The following CTNNA3 variants were observed in gnomAD, a reference collection of about 807,000 sequenced individuals.
The protein encoded by CTNNA3 is catenin alpha 3, also known as catenin alpha-3.
A neutral mutation model predicts 95.7 loss-of-function variants in CTNNA3; 76 were observed. The ratio of observed to expected loss-of-function variants is 0.79; its 90% confidence interval spans 0.66 to 0.96. The LOEUF is 0.96. Ranked by LOEUF, CTNNA3 falls within the 40% of genes least tolerant of loss-of-function variation. The pLI, the probability that CTNNA3 is intolerant of heterozygous loss-of-function variation, is 0.00. For missense variants in CTNNA3, 1,191 were observed against 1,089.8 expected (o/e 1.09, Z -1.31); for synonymous variants, 431 against 374.4 (o/e 1.15, Z -1.74).
In CTNNA3 at chr10:66,773,384, C is replaced by T. The variant is rs116545138; in HGVS notation, c.1128+2060G>A. 5.3e-5 allele frequency among the ~76,000 whole-genome samples: 8 copies of T among 152,242 alleles called. No individual in the cohort carries two copies. In the South Asian group the frequency reaches 8.3e-4, roughly 16 times the overall value. Reference sequence around the variant, plus strand: ...GGCACTAAGAATGCTTGTCAGCTTCCGTCTCCCTTTTCTTGGCAACTTGAA... The same window carrying T: ...GGCACTAAGAATGCTTGTCAGCTTCTGTCTCCCTTTTCTTGGCAACTTGAA... On this transcript the variant is annotated intron_variant, in intron 8 of 17. Coordinates refer to ENST00000433211, the MANE Select transcript of CTNNA3 (RefSeq NM_013266.4).
intron 12 of CTNNA3, among the ~76,000 whole-genome samples, chr10:66,370,020 C>T (rs1564904932): frequency 6.6e-6 from 1 of 152,064 alleles, no homozygotes; most frequent in Non-Finnish European, 1.5e-5. Context: ...TTAAGTTCTG[C>T]TGCCTGCACC....
intron 5 of CTNNA3, among the ~76,000 whole-genome samples, chr10:67,298,983 C>T (rs901069102): frequency 6.6e-5 from 10 of 151,650 alleles, no homozygotes; most frequent in African/African-American, 1.2e-4. Flanking sequence ...TGCAGTAGTG[C>T]GATCTCCTGG....
intron 9 of CTNNA3, among the ~76,000 whole-genome samples, chr10:66,641,381 TA>T (rs1845511908): frequency 6.6e-6 from 1 of 151,796 alleles, no homozygotes; most frequent in African/African-American, 2.4e-5. Flanking sequence ...TCAACCCACA[TA>T]ATCTCCCTAA....
intron 3 of CTNNA3, among the ~76,000 whole-genome samples, chr10:67,600,080 A>G (rs1843038161): frequency 6.6e-6 from 1 of 152,122 alleles, no homozygotes; most frequent in Non-Finnish European, 1.5e-5. Flanking sequence ...CAAAGGTGAA[A>G]GAGTAATTCA....
chr10:66,233,444 C>T (rs2089691520), intron 13 of CTNNA3, among the ~76,000 whole-genome samples: 1 of 152,022 alleles, frequency 6.6e-6, no homozygotes, highest in Admixed American at 6.6e-5. Flanking sequence ...CAATGAATAA[C>T]ATTTAGAATA....
intron 10 of CTNNA3, among the ~76,000 whole-genome samples, chr10:66,595,159 C>A (rs945811697): frequency 6.6e-6 from 1 of 151,790 alleles, no homozygotes; most frequent in Admixed American, 6.6e-5. Flanking sequence ...CACAGTGGAA[C>A]GACAACAACA....
chr10:66,921,306 T>C (rs575349349), intron 7 of CTNNA3, among the ~76,000 whole-genome samples: 1 of 152,256 alleles, frequency 6.6e-6, no homozygotes, highest in South Asian at 2.1e-4. Flanking sequence ...TACCATCACA[T>C]TGGGAATTGG....
intron 5 of CTNNA3, among the ~76,000 whole-genome samples, chr10:67,513,992 C>A (rs182616539): frequency 1.3e-5 from 2 of 152,250 alleles, no homozygotes; most frequent in East Asian, 1.9e-4. Context: ...AATCTCCTTG[C>A]AACTCATTTT....
intron 15 of CTNNA3, among the ~76,000 whole-genome samples, chr10:65,997,275 A>G (rs1001438883): frequency 6.6e-6 from 1 of 151,676 alleles, no homozygotes; most frequent in Non-Finnish European, 1.5e-5. Flanking sequence ...AAAGAAATCC[A>G]GAAAAAAATG....
chr10:66,856,062 T>C (rs1243037346), intron 7 of CTNNA3, among the ~76,000 whole-genome samples: 1 of 151,804 alleles, frequency 6.6e-6, no homozygotes, highest in East Asian at 1.9e-4. Flanking sequence ...GATAGGTAGG[T>C]TCTAAATCCT....
intron 7 of CTNNA3, among the ~76,000 whole-genome samples, chr10:67,077,187 C>A (rs1856788227): frequency 6.6e-6 from 1 of 152,184 alleles, no homozygotes; most frequent in Non-Finnish European, 1.5e-5. Flanking sequence ...TCTCATGGAT[C>A]TTCCAGTAGC....
chr10:67,176,973 T>G (rs1283724317), intron 7 of CTNNA3: 2 of 503,418 alleles, frequency 4.0e-6, no homozygotes, highest in South Asian at 2.9e-5. Flanking sequence ...GGTCAGACTT[T>G]TGATTACAGA....
At chr10:67,079,674 C>A (rs1053380498) in intron 7 of CTNNA3, among the ~76,000 whole-genome samples, 1 of 151,832 alleles carries the variant, frequency 6.6e-6, no homozygotes, top group Non-Finnish European at 1.5e-5. Context: ...ATAGTGAAAC[C>A]CCATCTCTAC....
chr10:66,597,314 G>T (rs1249451289), intron 10 of CTNNA3, among the ~76,000 whole-genome samples: 1 of 151,220 alleles, frequency 6.6e-6, no homozygotes, highest in Non-Finnish European at 1.5e-5. Flanking sequence ...GATCTATGAA[G>T]CCCAAAGGAT....
At chr10:66,381,991 G>A (rs951047378) in intron 11 of CTNNA3, among the ~76,000 whole-genome samples, 4 of 152,078 alleles carry the variant, frequency 2.6e-5, no homozygotes, top group Non-Finnish European at 4.4e-5. Flanking sequence ...GAGCAGCTCC[G>A]GTCTGCAGCT....
intron 11 of CTNNA3, among the ~76,000 whole-genome samples, chr10:66,385,834 C>T (rs573734085): frequency 2.0e-5 from 3 of 152,084 alleles, no homozygotes; most frequent in African/African-American, 7.2e-5. Context: ...AAATCAACAA[C>T]AAAAAACACA....
chr10:66,462,631 G>A (rs1039241326), intron 11 of CTNNA3, among the ~76,000 whole-genome samples: 5 of 151,986 alleles, frequency 3.3e-5, no homozygotes, highest in Non-Finnish European at 5.9e-5. Context: ...AACATTTCTT[G>A]AGGACTTATT....
At chr10:66,897,967 A>G (rs928301762) in intron 7 of CTNNA3, among the ~76,000 whole-genome samples, 2 of 152,292 alleles carry the variant, frequency 1.3e-5, no homozygotes, top group Non-Finnish European at 1.5e-5. Flanking sequence ...GTCAGAAAAT[A>G]TAAGAGAAGA....
chr10:66,001,595 A>T, intron 15 of CTNNA3, among the ~76,000 whole-genome samples: 1 of 152,196 alleles, frequency 6.6e-6, no homozygotes, highest in Non-Finnish European at 1.5e-5. Flanking sequence ...AAACTGTGGC[A>T]TTTGTCACAT....
Sources: gnomAD v4.1 joint callset for allele counts (sites outside exome capture counted in the v4.1 genomes callset) on GRCh38, gnomAD v4.1.1 for gene constraint, MANE v1.5 for transcripts, NCBI Gene and HGNC (gene_info 2026-07-23, HGNC 2026-07-21) for gene names.